ZBTB20: variants seen among roughly 807,000 people sequenced by gnomAD.
ZBTB20 encodes the protein zinc finger and BTB domain containing 20.
In ZBTB20, 9 loss-of-function variants were observed where a neutral mutation model predicts 56.9. That is an observed-to-expected ratio of 0.16 (90% CI 0.10 to 0.28). The LOEUF (loss-of-function observed/expected upper bound fraction) is 0.28. ZBTB20 is among the 10% of genes least tolerant of loss of function. The probability of loss-of-function intolerance (pLI) is 1.00; values close to 1 mark genes in which losing one functional copy is unlikely to be tolerated. For synonymous variants in ZBTB20, 417 were observed against 420.7 expected (o/e 0.99, Z 0.11); for missense variants, 655 against 1,003.0 (o/e 0.65, Z 4.69).
At chr3:114,578,703 A>C (rs1393774724) in intron 6 of ZBTB20, among the ~76,000 whole-genome samples, 1 of 151,832 alleles carries the variant, frequency 6.6e-6, no homozygotes, top group African/African-American at 2.4e-5. Context: ...TACCCAGATA[A>C]ATTGCTATTT....
At chr3:115,006,484 C>T (rs2079478806) in intron 2 of ZBTB20, among the ~76,000 whole-genome samples, 1 of 146,420 alleles carries the variant, frequency 6.8e-6, no homozygotes, top group Admixed American at 6.8e-5. Flanking sequence ...TATATATAAC[C>T]ATTTGTCCTT....
intron 2 of ZBTB20, among the ~76,000 whole-genome samples, chr3:115,048,082 G>A (rs1198888189): frequency 2.6e-5 from 4 of 151,982 alleles, no homozygotes; most frequent in African/African-American, 4.8e-5. Flanking sequence ...AAAATTGGCC[G>A]GGCGTGGTGG....
intron 7 of ZBTB20, among the ~76,000 whole-genome samples, chr3:114,389,470 CT>C (rs145420261): frequency 1.5e-3 from 215 of 146,662 alleles, no homozygotes; most frequent in Middle Eastern, 3.6e-3. Flanking sequence ...GTATCCTTTT[CT>C]TTTTTTTTTC....
intron 7 of ZBTB20, among the ~76,000 whole-genome samples, chr3:114,439,295 T>G (rs751798595): frequency 9.2e-5 from 14 of 152,274 alleles, no homozygotes; most frequent in Admixed American, 6.5e-4. Context: ...CTTGGGTGTA[T>G]GCACACAGGT....
intron 7 of ZBTB20, among the ~76,000 whole-genome samples, chr3:114,484,798 AGTGTGT>A (rs146057079): frequency 2.0e-5 from 3 of 150,494 alleles, no homozygotes; most frequent in African/African-American, 7.3e-5. Flanking sequence ...ATATCAATAG[AGTGTGT>A]GTGTGTGTGT....
intron 4 of ZBTB20, among the ~76,000 whole-genome samples, chr3:114,851,857 T>C (rs2075016205): frequency 6.6e-6 from 1 of 152,180 alleles, no homozygotes; most frequent in South Asian, 2.1e-4. Context: ...ACTTATTTTC[T>C]GTAAATTCTG....
chr3:114,388,747 C>T (rs1350374540), intron 8 of ZBTB20: 1 of 152,332 alleles, frequency 6.6e-6, no homozygotes, highest in African/African-American at 2.4e-5. Flanking sequence ...CAGAACAGCA[C>T]CAGTCCCTGC....
intron 4 of ZBTB20, among the ~76,000 whole-genome samples, chr3:114,838,658 A>T (rs1177205884): frequency 6.6e-6 from 1 of 152,198 alleles, no homozygotes; most frequent in Non-Finnish European, 1.5e-5. Context: ...ATTATTCATG[A>T]AATCCTAGAA....
chr3:115,034,736 C>T (rs113805004), intron 2 of ZBTB20, among the ~76,000 whole-genome samples: 3,036 of 151,942 alleles, frequency 0.02, 42 homozygotes, highest in South Asian at 0.032. Flanking sequence ...AAAATTCACA[C>T]GAAGTATCAG....
intron 5 of ZBTB20, among the ~76,000 whole-genome samples, chr3:114,787,692 C>T (rs114087095): frequency 1.3e-5 from 2 of 151,590 alleles, no homozygotes; most frequent in African/African-American, 4.8e-5. Context: ...GAACTGTATA[C>T]CAAGAAGTTT....
At chr3:115,079,326 A>G (rs2108534497) in intron 1 of ZBTB20, among the ~76,000 whole-genome samples, 1 of 152,300 alleles carries the variant, frequency 6.6e-6, no homozygotes, top group African/African-American at 2.4e-5. Flanking sequence ...ATATGTGCGC[A>G]TAGCTACAAA....
intron 6 of ZBTB20, among the ~76,000 whole-genome samples, chr3:114,650,224 A>C (rs2060058572): frequency 7.6e-6 from 1 of 131,068 alleles, no homozygotes; most frequent in Non-Finnish European, 1.5e-5. Flanking sequence ...TATATAAAGC[A>C]TTATTATTAA....
Position 115,134,084 on chromosome 3 carries a change from T to C in ZBTB20, c.-703+13135A>G, listed in dbSNP as rs531576520. Among the ~76,000 whole-genome samples the C allele has an allele frequency of 4.6e-5, 7 of 152,356 alleles. No homozygotes were observed. The South Asian group carries it at 1.4e-3, about 32-fold the overall frequency. On this transcript the variant is annotated intron_variant, in intron 1 of 11. Transcript: ENST00000675478. Reference sequence around the variant, plus strand: ...TTCTATCTTGTATTATTCTTTATACTAACTTCTTAACATTAGGTTATCTTT... The same window carrying C: ...TTCTATCTTGTATTATTCTTTATACCAACTTCTTAACATTAGGTTATCTTT...
At chr3:114,902,130 G>A (rs547349152) in intron 3 of ZBTB20, among the ~76,000 whole-genome samples, 1 of 149,292 alleles carries the variant, frequency 6.7e-6, no homozygotes, top group East Asian at 2.0e-4. Context: ...GCATAGCCAG[G>A]GTCTTTTTTA....
intron 4 of ZBTB20, among the ~76,000 whole-genome samples, chr3:114,808,771 G>A (rs900344502): frequency 5.3e-5 from 8 of 151,824 alleles, no homozygotes; most frequent in Non-Finnish European, 1.2e-4. Context: ...AAATAATGAC[G>A]TGATGAGGTC....
chr3:114,847,289 A>G (rs1311236624), intron 4 of ZBTB20, among the ~76,000 whole-genome samples: 1 of 32,152 alleles, frequency 3.1e-5, no homozygotes. Context: ...GTTCATGAGA[A>G]AAAAAAAAAA....
chr3:115,141,917 T>C (rs2084821697), intron 1 of ZBTB20, among the ~76,000 whole-genome samples: 1 of 152,228 alleles, frequency 6.6e-6, no homozygotes, highest in Admixed American at 6.5e-5. Context: ...TTTCATCTTC[T>C]GCCGTTAAAA....
intron 6 of ZBTB20, among the ~76,000 whole-genome samples, chr3:114,657,226 G>C (rs1233207151): frequency 1.3e-5 from 2 of 152,076 alleles, no homozygotes; most frequent in Non-Finnish European, 2.9e-5. Context: ...GAAGAGGACT[G>C]GTTTTATTAT....
At chr3:114,506,423 G>A (rs1317693614) in intron 6 of ZBTB20, among the ~76,000 whole-genome samples, 3 of 152,060 alleles carry the variant, frequency 2.0e-5, no homozygotes, top group Non-Finnish European at 2.9e-5. Flanking sequence ...TGATTCTTAC[G>A]GGGATAGGGT....
Sources: gnomAD v4.1 joint callset for allele counts (sites outside exome capture counted in the v4.1 genomes callset) on GRCh38, gnomAD v4.1.1 for gene constraint, MANE v1.5 for transcripts, NCBI Gene and HGNC (gene_info 2026-07-23, HGNC 2026-07-21) for gene names.